The following STK3 variants were observed in gnomAD, a reference collection of about 807,000 sequenced individuals.
STK3 encodes the protein serine/threonine-protein kinase 3.
In STK3, 41 loss-of-function variants were observed where a neutral mutation model predicts 58.0. That is an observed-to-expected ratio of 0.71 (90% CI 0.55 to 0.92). The LOEUF (loss-of-function observed/expected upper bound fraction) is 0.92. Ranked by LOEUF, STK3 falls within the 40% of genes least tolerant of loss-of-function variation. The pLI is 0.00. For synonymous variants in STK3, 170 were observed against 191.0 expected, an observed-to-expected ratio of 0.89 and a Z score of 0.91; for missense variants, 479 against 602.7, an observed-to-expected ratio of 0.79 and a Z score of 2.15.
At chr8:98,629,320 T>C (rs959064926) in intron 6 of STK3, among the ~76,000 whole-genome samples, 3 of 152,134 alleles carry the variant, frequency 2.0e-5, no homozygotes, top group African/African-American at 7.2e-5. Flanking sequence ...AATAAACTCA[T>C]ACATGGAACC....
intron 6 of STK3, among the ~76,000 whole-genome samples, chr8:98,637,986 C>A (rs1413354728): frequency 6.6e-6 from 1 of 152,102 alleles, no homozygotes; most frequent in African/African-American, 2.4e-5. Flanking sequence ...GTAAAGAAAT[C>A]TGTTTTACTA....
chr8:98,835,288 A>C (rs1835705225), intron 3 of STK3, among the ~76,000 whole-genome samples: 1 of 152,208 alleles, frequency 6.6e-6, no homozygotes, highest in South Asian at 2.1e-4. Context: ...CTCTGTTAAA[A>C]TAGAGCTAGG....
intron 9 of STK3, among the ~76,000 whole-genome samples, chr8:98,541,316 C>G (rs1446621278): frequency 2.0e-5 from 3 of 152,100 alleles, no homozygotes; most frequent in Non-Finnish European, 4.4e-5. Flanking sequence ...AGTGCTGTCT[C>G]GTGGCTGAGT....
At chr8:98,738,974 G>C (rs1279003165) in intron 4 of STK3, among the ~76,000 whole-genome samples, 1 of 152,248 alleles carries the variant, frequency 6.6e-6, no homozygotes, top group Non-Finnish European at 1.5e-5. Context: ...TACGCCCAAG[G>C]AGTCTCACTG....
intron 3 of STK3, among the ~76,000 whole-genome samples, chr8:98,852,807 A>G (rs1283187145): frequency 1.3e-5 from 2 of 152,222 alleles, no homozygotes; most frequent in Non-Finnish European, 1.5e-5. Flanking sequence ...AATAAACCCC[A>G]TGTTACTTGG....
intron 3 of STK3, among the ~76,000 whole-genome samples, chr8:98,402,451 C>T (rs765263917): frequency 4.1e-4 from 62 of 152,186 alleles, no homozygotes; most frequent in South Asian, 2.7e-3. Context: ...CCTGGTGAGG[C>T]TGAGTTTCTG....
At chr8:98,639,394 T>C (rs898191641) in intron 6 of STK3, among the ~76,000 whole-genome samples, 14 of 152,198 alleles carry the variant, frequency 9.2e-5, no homozygotes, top group Admixed American at 8.5e-4. Context: ...ATTATAGGCA[T>C]GAGGCACCAT....
chr8:98,933,458 T>C (rs1475638764), intron 1 of STK3, among the ~76,000 whole-genome samples: 1 of 152,232 alleles, frequency 6.6e-6, no homozygotes, highest in Admixed American at 6.5e-5. Flanking sequence ...TTAAAAATTG[T>C]TTGGACTATA....
chr8:98,411,616 A>C (rs1818058430), intron 3 of STK3, among the ~76,000 whole-genome samples: 1 of 152,232 alleles, frequency 6.6e-6, no homozygotes, highest in South Asian at 2.1e-4. Context: ...TCCACAGACC[A>C]CATTTACTCC....
downstream of STK3, chr8:98,882,614 A>C (rs1181743040): frequency 2.0e-5 from 3 of 152,120 alleles, no homozygotes; most frequent in Admixed American, 2.0e-4. Context: ...ACGGGGTTTC[A>C]CCATGTTGGC....
At chr8:98,881,273 CA>C (rs1587795316), downstream of STK3, 1 of 152,138 alleles carries the variant, frequency 6.6e-6, no homozygotes, top group African/African-American at 2.4e-5. Context: ...AAGCCAACCC[CA>C]AAAGGCTACA....
At chr8:98,583,057 T>A (rs959209960) in intron 7 of STK3, among the ~76,000 whole-genome samples, 11 of 152,188 alleles carry the variant, frequency 7.2e-5, no homozygotes, top group African/African-American at 2.4e-5. Context: ...TTTGCTTTTT[T>A]GATCATGTTA....
chr8:98,575,603 T>C (rs144422664), intron 8 of STK3, among the ~76,000 whole-genome samples: 12 of 152,028 alleles, frequency 7.9e-5, no homozygotes, highest in African/African-American at 2.9e-4. Context: ...TATAATTCAA[T>C]TGTAAGTTGT....
At chr8:98,832,080 A>C (rs1207791233) in intron 3 of STK3, among the ~76,000 whole-genome samples, 3 of 152,116 alleles carry the variant, frequency 2.0e-5, no homozygotes, top group African/African-American at 7.2e-5. Flanking sequence ...TTTGGAGTGG[A>C]GAGCTTTATT....
chr8:98,462,712 C>T (rs1820097551), intron 10 of STK3, among the ~76,000 whole-genome samples: 1 of 152,170 alleles, frequency 6.6e-6, no homozygotes. Flanking sequence ...TTTTCATTCA[C>T]ATCTTGAATA....
At chr8:98,766,809 C>T (rs914348825) in intron 3 of STK3, among the ~76,000 whole-genome samples, 34 of 152,186 alleles carry the variant, frequency 2.2e-4, no homozygotes, top group African/African-American at 7.7e-4. Context: ...GGATTAATCT[C>T]ACTTCCAATG....
At chr8:98,351,537 A>T in the STK3 span, among the ~76,000 whole-genome samples, 1 of 152,186 alleles carries the variant, frequency 6.6e-6, no homozygotes, top group African/African-American at 2.4e-5. Flanking sequence ...GATTCTTGGC[A>T]TGGAAGAAAG....
At chr8:98,638,053 A>G (rs1308171741) in intron 6 of STK3, among the ~76,000 whole-genome samples, 1 of 152,194 alleles carries the variant, frequency 6.6e-6, no homozygotes, top group East Asian at 1.9e-4. Context: ...AATAAATACT[A>G]AACTCTCTGC....
At chr8:98,582,044 T>C (rs574120669) in intron 7 of STK3, among the ~76,000 whole-genome samples, 1 of 152,228 alleles carries the variant, frequency 6.6e-6, no homozygotes, top group Admixed American at 6.5e-5. Context: ...ATTCAGAACA[T>C]GAACAAAATT....
Sources: allele counts gnomAD v4.1 joint callset (sites outside exome capture counted in the v4.1 genomes callset), GRCh38; gene constraint gnomAD v4.1.1; transcripts MANE v1.5; gene names NCBI Gene and HGNC (gene_info 2026-07-23, HGNC 2026-07-21).